Variants in MCM4 observed in about 807,000 individuals in gnomAD.
MCM4 encodes DNA replication licensing factor MCM4.
MCM4 carries 60 observed loss-of-function variants against 88.7 expected under a neutral mutation model. The observed-to-expected ratio is 0.68, with a 90% confidence interval of 0.55 to 0.84. The LOEUF (loss-of-function observed/expected upper bound fraction) is 0.84, where lower values mean the gene tolerates loss of function less well. Among genes scored for constraint, MCM4 ranks in the 40% least tolerant of loss-of-function variants. The pLI is 0.00. For synonymous variants in MCM4, 465 were observed against 410.5 expected (o/e 1.13, Z -1.61); for missense variants, 1,149 against 1,105.5 (o/e 1.04, Z -0.56).
chr8:47,968,975 A>G (rs1320658208), intron 10 of MCM4: 4 of 152,174 alleles, frequency 2.6e-5, no homozygotes. Flanking sequence ...GGATTTTAGC[A>G]TTTTGTTGCA....
chr8:47,966,401 G>A lies in MCM4; in HGVS notation c.1047G>A (p.Lys349=), dbSNP rs1355931167. 4 of 1,608,362 alleles carry A rather than the reference G, an allele frequency of 2.5e-6. No homozygotes were observed. In the African/African-American group the frequency reaches 5.3e-5, roughly 22 times the overall value. ...LIHNRSLFSD[K]QMIKLQESPE... is the part of the protein sequence containing the mutation. ...ACAACCGCTCCCTCTTCTCTGACAA[G>A]CAGATGGTGCGCAGCCACCCTGGCC... Residue 349 remains lysine, a synonymous_variant, in exon 9 of 17, where the codon AAG becomes AAA. Transcript: ENST00000649973.
chr8:47,972,830 A>C (rs1401202730), intron 13 of MCM4, 27 bp from the exon 14 acceptor site: 2 of 1,603,710 alleles, frequency 1.2e-6, no homozygotes, highest in Admixed American at 1.7e-5. Context: ...GTGCTGGAAA[A>C]ACAGTATTTT....
At chr8:47,972,758 T>G (rs545613696) in intron 13 of MCM4, 99 bp from the exon 14 acceptor site, 79 of 839,462 alleles carry the variant, frequency 9.4e-5, no homozygotes, top group Admixed American at 5.2e-4. Context: ...GGTTTCACCG[T>G]GTTGGCCAGG....
At position 47,964,953 on chromosome 8, in the gene MCM4, C is replaced by T. The variant is rs186077340; in HGVS notation, c.832+241C>T. ...ACTATTGGCCGGGCACAGTGGCTCA[C>T]GCCTATAATCCCAGCACTTCAGGAG... On this transcript the variant is annotated intron_variant, in intron 8 of 16. Transcript: ENST00000649973. Among the ~76,000 whole-genome samples, 96 of 152,340 alleles carry T rather than the reference C, an allele frequency of 6.3e-4. 1 individual carries two copies. The highest frequency in any genetic ancestry group is 2.0e-3 in the African/African-American group (85 of 41,582).
chr8:47,971,552 C>A, intron 13 of MCM4, 84 bp downstream of exon 13: 1 of 1,368,162 alleles, frequency 7.3e-7, no homozygotes, highest in Non-Finnish European at 1.0e-6. Flanking sequence ...TCAGCAACTG[C>A]TAATGGAAAC....
chr8:47,964,790 T>A, intron 8 of MCM4, 78 bp downstream of exon 8: 3 of 1,264,350 alleles, frequency 2.4e-6, no homozygotes, highest in African/African-American at 1.5e-5. Context: ...CATTGAGAAA[T>A]TATGAAAGAA....
chr8:47,971,275 G>A (rs891918142), intron 12 of MCM4, 66 bp from the exon 13 acceptor site: 12 of 1,597,944 alleles, frequency 7.5e-6, no homozygotes, highest in African/African-American at 4.0e-5. Flanking sequence ...GTGGCCGGGC[G>A]AAGACGGTGC....
At chr8:47,964,396 A>T (rs956927790) in intron 7 of MCM4, among the ~76,000 whole-genome samples, 178 bp from the exon 8 acceptor site, 10 of 152,378 alleles carry the variant, frequency 6.6e-5, no homozygotes, top group Admixed American at 6.5e-4. Flanking sequence ...AATTGAAAAT[A>T]TGCAGAAATA....
chr8:47,966,798 T>A (rs1292845369), intron 9 of MCM4, among the ~76,000 whole-genome samples: 3 of 152,250 alleles, frequency 2.0e-5, no homozygotes, highest in Non-Finnish European at 2.9e-5. Context: ...TTCTCTATAT[T>A]CATGAAATTT....
rs1431492436 is a variant in MCM4, at chr8:47,961,694, G to A, written c.235+14G>A. The stretch of plus-strand genomic sequence containing the variant: ...TGCATTCTTCAGGTGCGTGTCTGAA[G>A]ATCTTGGTTTTGCTGTGCTTGATAC... On this transcript the variant is annotated intron_variant, in intron 3 of 16. Coordinates refer to ENST00000649973, the MANE Select transcript of MCM4 (RefSeq NM_182746.3). 4 of 1,595,138 alleles carry A rather than the reference G, an allele frequency of 2.5e-6. No individual in the cohort carries two copies. Among genetic ancestry groups the A allele is most frequent in the South Asian group, 1.1e-5 (1 of 88,796 alleles).
At chr8:47,966,781 G>A (rs751663584) in intron 9 of MCM4, among the ~76,000 whole-genome samples, 1 of 152,208 alleles carries the variant, frequency 6.6e-6, no homozygotes, top group Non-Finnish European at 1.5e-5. Context: ...AAGAAGTTTG[G>A]TCTTTTTTCT....
intron 14 of MCM4, chr8:47,973,988 GAA>G (rs887678419): frequency 6.6e-6 from 1 of 152,160 alleles, no homozygotes; most frequent in African/African-American, 2.4e-5. Context: ...TTTGGAAACT[GAA>G]AAAGTCATCC....
Position 47,962,871 on chromosome 8 carries a change from CT to C in MCM4, c.597+13del, listed in dbSNP as rs1337219073. ...AACGACTTGGGGAGGTAATCAAATA[CT>C]CTTTAAATTCAAGTTACGTGTTTTA... On this transcript the variant is annotated intron_variant, in intron 6 of 16. Coordinates refer to ENST00000649973, the MANE Select transcript of MCM4 (RefSeq NM_182746.3). 1.4e-5 allele frequency: 22 copies of C among 1,584,764 alleles called. No homozygotes were observed. The highest frequency in any genetic ancestry group is 1.8e-5 in the Admixed American group (1 of 54,858).
intron 14 of MCM4, chr8:47,973,850 T>C (rs2090977660): frequency 6.6e-6 from 1 of 152,250 alleles, no homozygotes; most frequent in Non-Finnish European, 1.5e-5. Flanking sequence ...TCTTTCCAAA[T>C]GTTGCAAAAG....
At chr8:47,964,353 A>T (rs1207265587) in intron 7 of MCM4, among the ~76,000 whole-genome samples, 1 of 152,252 alleles carries the variant, frequency 6.6e-6, no homozygotes, top group Non-Finnish European at 1.5e-5. Context: ...TACATCAAGA[A>T]GGCACTTTCG....
chr8:47,972,884 C>T lies in MCM4; in HGVS notation c.1956C>T (p.Asp652=), dbSNP rs765491585. 37 of 1,614,118 alleles carry T rather than the reference C, an allele frequency of 2.3e-5. No homozygotes were observed. Among genetic ancestry groups the T allele is most frequent in the Middle Eastern group, 1.7e-4 (1 of 6,060 alleles). ...TTGATTTGATCTTCCTCTTGCTGGA[C>T]CCTCAGGACGAAGCCTATGACAGGC... ...SRFDLIFLLL[D]PQDEAYDRRL... is the part of the protein sequence containing the mutation. The change falls in exon 14 of 17, where the codon GAC becomes GAT. Residue 652 remains aspartate (D), a synonymous_variant. Coordinates refer to ENST00000649973, the MANE Select transcript of MCM4 (RefSeq NM_182746.3).
chr8:47,969,919 T>G lies in MCM4; in HGVS notation c.1296T>G (p.Leu432=). The G allele has an allele frequency of 6.2e-7, 1 of 1,614,210 alleles. No homozygotes were observed. Among genetic ancestry groups the G allele is most frequent in the African/African-American group, 1.3e-5 (1 of 75,056 alleles). The change falls in exon 11 of 17, where the codon CTT becomes CTG. Residue 432 remains leucine (L), a synonymous_variant. Coordinates refer to ENST00000649973, the MANE Select transcript of MCM4 (RefSeq NM_182746.3). The part of the protein sequence containing the change: ...RKTDAKRLHG[L]DEEAEQKLFS... ...CGGATGCAAAACGTCTGCATGGCCT[T>G]GATGAAGAAGCAGAACAGAAACTTT...
intron 13 of MCM4, 132 bp downstream of exon 13, chr8:47,971,600 C>A: frequency 1.1e-6 from 1 of 922,196 alleles, no homozygotes; most frequent in South Asian, 1.6e-5. Context: ...TTTGGTTGGT[C>A]AAGAGTTTTC....
chr8:47,961,240 A>G (rs2154504942), intron 2 of MCM4, 26 bp downstream of exon 2: 4 of 1,480,266 alleles, frequency 2.7e-6, no homozygotes, highest in Non-Finnish European at 2.7e-6. Context: ...CGGGCCCACT[A>G]CAGCCCCCGG....
Sources: allele counts gnomAD v4.1 joint callset (sites outside exome capture counted in the v4.1 genomes callset), GRCh38; gene constraint gnomAD v4.1.1; transcripts MANE v1.5; gene names NCBI Gene and HGNC (gene_info 2026-07-23, HGNC 2026-07-21).